Variants in PRKRIP1 observed in about 807,000 individuals in gnomAD.
PRKRIP1 encodes the protein PRKR interacting protein 1, also known as PRKR-interacting protein 1.
PRKRIP1 carries 29 observed loss-of-function variants against 29.3 expected under a neutral mutation model. The observed-to-expected ratio is 0.99, with a 90% confidence interval of 0.74 to 1.35. The LOEUF (loss-of-function observed/expected upper bound fraction) is 1.35. Among genes scored for constraint, PRKRIP1 ranks in the 40% most tolerant of loss-of-function variants. The probability of loss-of-function intolerance (pLI) is 0.00; values close to 1 mark genes in which losing one functional copy is unlikely to be tolerated. For synonymous variants in PRKRIP1, 90 were observed against 85.1 expected (o/e 1.06, Z -0.32); for missense variants, 247 against 236.8 (o/e 1.04, Z -0.28).
chr7:102,397,153 A>G (rs1318160187), intron 1 of PRKRIP1, among the ~76,000 whole-genome samples: 7 of 152,150 alleles, frequency 4.6e-5, no homozygotes, highest in African/African-American at 9.7e-5. Flanking sequence ...ATAGGATGAA[A>G]AAAGCCACGA....
intron 1 of PRKRIP1, 147 bp from the exon 2 acceptor site, chr7:102,397,473 G>C (rs751594712): frequency 4.8e-6 from 3 of 623,722 alleles, no homozygotes; most frequent in Non-Finnish European, 8.6e-6. Context: ...TTGAGCCCAG[G>C]AGTTCAAGGC....
In PRKRIP1 at chr7:102,423,195, A is replaced by G. The variant is rs879989664; in HGVS notation, c.458-1819A>G. 35 of 440,598 alleles carry G rather than the reference A, an allele frequency of 7.9e-5. No homozygotes were observed. The Middle Eastern group carries it at 2.8e-3, about 35-fold the overall frequency. 27.3% of individuals were successfully genotyped at this position (440,598 alleles called of 1,614,324 possible). ...AGTGGCGCTATCTCGGCTCACTGCA[A>G]CCTTTGCCTCCTGGGTTCAAGTGAT... is the stretch of plus-strand genomic sequence containing the variant. On this transcript the variant is annotated intron_variant, in intron 5 of 5. Coordinates refer to ENST00000397912, the MANE Select transcript of PRKRIP1 (RefSeq NM_024653.4).
rs1795895953 is a variant in PRKRIP1, at chr7:102,396,405, G to A, written c.-7G>A. The A allele has an allele frequency of 6.5e-7, 1 of 1,550,100 alleles. No homozygotes were observed. Among genetic ancestry groups the A allele is most frequent in the Non-Finnish European group, 8.7e-7 (1 of 1,155,134 alleles). On this transcript the variant is annotated 5_prime_UTR_variant, in exon 1 of 6. Coordinates refer to ENST00000397912, the MANE Select transcript of PRKRIP1 (RefSeq NM_024653.4). ...CCGCCGCTCGCTTGTGAAACTGGAAGGCTGCCATGGCTAGCCCAGCCGCCT... is the reference window on the plus strand; with the variant it reads ...CCGCCGCTCGCTTGTGAAACTGGAAAGCTGCCATGGCTAGCCCAGCCGCCT...
At chr7:102,409,908 T>C (rs1554572330) in intron 5 of PRKRIP1, among the ~76,000 whole-genome samples, 1 of 152,198 alleles carries the variant, frequency 6.6e-6, no homozygotes, top group African/African-American at 2.4e-5. Context: ...TTGCTGCTTA[T>C]CATTGTCATT....
At chr7:102,397,483 C>T (rs1309721587) in intron 1 of PRKRIP1, 137 bp from the exon 2 acceptor site, 5 of 661,432 alleles carry the variant, frequency 7.6e-6, no homozygotes, top group Non-Finnish European at 1.3e-5. Flanking sequence ...GAGTTCAAGG[C>T]TGCAGTGAGC....
chr7:102,425,159 A>C lies in PRKRIP1; in HGVS notation c.*48A>C, dbSNP rs1554574292. 3 of 1,580,680 alleles carry C rather than the reference A, an allele frequency of 1.9e-6. No individual in the cohort carries two copies. Among genetic ancestry groups the C allele is most frequent in the Non-Finnish European group, 2.6e-6 (3 of 1,167,658 alleles). On this transcript the variant is annotated 3_prime_UTR_variant, in exon 6 of 6. Coordinates refer to ENST00000397912, the MANE Select transcript of PRKRIP1 (RefSeq NM_024653.4). ...CTGGAACCTGGCTCGTGCTGTGACC[A>C]GAAGGGAAAGGCGGCTGTTTGGCTC...
chr7:102,410,039 T>G (rs1341331894), intron 5 of PRKRIP1, among the ~76,000 whole-genome samples: 2 of 152,128 alleles, frequency 1.3e-5, no homozygotes, highest in African/African-American at 2.4e-5. Flanking sequence ...AGATGAGAGA[T>G]TTCCTTGAAT....
intron 3 of PRKRIP1, among the ~76,000 whole-genome samples, chr7:102,401,000 A>C (rs546925060): frequency 6.6e-6 from 1 of 152,208 alleles, no homozygotes; most frequent in Admixed American, 6.5e-5. Flanking sequence ...AATAACGTGC[A>C]TGCTTGAATG....
intron 4 of PRKRIP1, chr7:102,405,974 C>A: frequency 7.4e-6 from 2 of 269,380 alleles, no homozygotes; most frequent in South Asian, 8.1e-5. Context: ...AAAAAGTTGT[C>A]AAAGTGCTTG....
At chr7:102,416,895 G>A (rs1796564389) in intron 5 of PRKRIP1, among the ~76,000 whole-genome samples, 1 of 151,970 alleles carries the variant, frequency 6.6e-6, no homozygotes, top group South Asian at 2.1e-4. Context: ...TCGCTTTGTC[G>A]CCCAGGCTGG....
At chr7:102,409,730 A>T (rs962169159) in intron 5 of PRKRIP1, among the ~76,000 whole-genome samples, 2 of 152,052 alleles carry the variant, frequency 1.3e-5, no homozygotes, top group Admixed American at 1.3e-4. Flanking sequence ...AGGCTGAGGC[A>T]GGAGAGTCGC....
intron 5 of PRKRIP1, among the ~76,000 whole-genome samples, chr7:102,416,586 A>G (rs1407704177): frequency 6.6e-6 from 1 of 151,848 alleles, no homozygotes; most frequent in South Asian, 2.1e-4. Context: ...TGACTGGGGT[A>G]GTTTGTTTTG....
At chr7:102,424,926 T>G in intron 5 of PRKRIP1, 88 bp from the exon 6 acceptor site, 3 of 1,384,704 alleles carry the variant, frequency 2.2e-6, no homozygotes, top group Non-Finnish European at 2.9e-6. Flanking sequence ...ACAGGGACTT[T>G]TGACTTCCCA....
At chr7:102,413,958 C>T (rs1174611569) in intron 5 of PRKRIP1, among the ~76,000 whole-genome samples, 7 of 151,944 alleles carry the variant, frequency 4.6e-5, no homozygotes, top group Admixed American at 2.0e-4. Flanking sequence ...CCAGGTGCGG[C>T]GGCTCACACC....
intron 3 of PRKRIP1, among the ~76,000 whole-genome samples, chr7:102,403,764 A>G (rs149506002): frequency 6.6e-6 from 1 of 152,324 alleles, no homozygotes; most frequent in East Asian, 1.9e-4. Context: ...AGGCTTGGAG[A>G]CAGAACTGCT....
intron 3 of PRKRIP1, among the ~76,000 whole-genome samples, chr7:102,401,850 C>T (rs1796081711): frequency 6.6e-6 from 1 of 152,144 alleles, no homozygotes; most frequent in Non-Finnish European, 1.5e-5. Flanking sequence ...TTGCAGTGAG[C>T]TGAGATTGTG....
intron 5 of PRKRIP1, among the ~76,000 whole-genome samples, chr7:102,422,057 C>G (rs1554573806): frequency 6.6e-6 from 1 of 151,802 alleles, no homozygotes; most frequent in Non-Finnish European, 1.5e-5. Flanking sequence ...GATGGTGACG[C>G]CAAGCCACAG....
At chr7:102,424,365 C>T (rs1478794687) in intron 5 of PRKRIP1, among the ~76,000 whole-genome samples, 1 of 152,276 alleles carries the variant, frequency 6.6e-6, no homozygotes, top group African/African-American at 2.4e-5. Context: ...GGGCCATCTG[C>T]TGCCTTGTGG....
At chr7:102,417,563 G>A (rs1340290546) in intron 5 of PRKRIP1, among the ~76,000 whole-genome samples, 1 of 150,642 alleles carries the variant, frequency 6.6e-6, no homozygotes, top group Non-Finnish European at 1.5e-5. Flanking sequence ...TTGGCCATTG[G>A]GAGCTCTTTC....
Sources: gnomAD v4.1 joint callset for allele counts (sites outside exome capture counted in the v4.1 genomes callset) on GRCh38, gnomAD v4.1.1 for gene constraint, MANE v1.5 for transcripts, NCBI Gene and HGNC (gene_info 2026-07-23, HGNC 2026-07-21) for gene names.